The following ARSG variants were observed in gnomAD, a reference collection of about 807,000 sequenced individuals.
The protein encoded by ARSG is arylsulfatase G, also known as ASG.
A neutral mutation model predicts 50.5 loss-of-function variants in ARSG; 37 were observed. That is an observed-to-expected ratio of 0.73 (90% confidence interval 0.56 to 0.96). The LOEUF is 0.96. Among genes scored for constraint, ARSG ranks in the 50% least tolerant of loss-of-function variants. ARSG has a pLI of 0.00. For synonymous variants in ARSG, 225 were observed against 254.6 expected (o/e 0.88, Z 1.11); for missense variants, 629 against 675.3 (o/e 0.93, Z 0.76).
chr17:68,354,578 C>T (rs970432090), intron 5 of ARSG, among the ~76,000 whole-genome samples: 5 of 151,444 alleles, frequency 3.3e-5, no homozygotes, highest in Non-Finnish European at 5.9e-5. Context: ...GTTCTAATGC[C>T]CAGCATGGTG....
chr17:68,274,827 C>T (rs1277445066), intron 1 of ARSG, among the ~76,000 whole-genome samples: 1 of 150,010 alleles, frequency 6.7e-6, no homozygotes, highest in East Asian at 2.0e-4. Flanking sequence ...GTTTTCTAGG[C>T]TGGAGTGCAG....
At chr17:68,324,362 C>T (rs1193318416) in intron 2 of ARSG, among the ~76,000 whole-genome samples, 6 of 152,142 alleles carry the variant, frequency 3.9e-5, no homozygotes, top group Non-Finnish European at 5.9e-5. Flanking sequence ...GAGTCAGGCT[C>T]TCGGGGCTGG....
In ARSG at chr17:68,343,685, T is replaced by C. The variant is rs749426477; in HGVS notation, c.300T>C (p.Asn100=). The C allele has an allele frequency of 3.7e-5, 59 of 1,614,104 alleles. No individual in the cohort carries two copies. Among genetic ancestry groups the C allele is most frequent in the Non-Finnish European group, 5.0e-5 (59 of 1,180,030 alleles). The change falls in exon 3 of 12, where the codon AAT becomes AAC. Residue 100 remains asparagine, a synonymous_variant. Coordinates refer to ENST00000621439, the MANE Select transcript of ARSG (RefSeq NM_001267727.2). The part of the protein sequence containing the change: ...SLLTGRLGLR[N]GVTRNFAVTS... ...TCACCGGCCGGCTTGGCCTTCGCAA[T>C]GGAGTCACACGCAACTTTGCAGTCA...
intron 1 of ARSG, among the ~76,000 whole-genome samples, chr17:68,276,807 G>A (rs1022928618): frequency 6.6e-6 from 1 of 151,990 alleles, no homozygotes; most frequent in South Asian, 2.1e-4. Flanking sequence ...AAAACCCTTG[G>A]CAATTATTTC....
At chr17:68,333,983 A>G (rs2077902562) in intron 2 of ARSG, among the ~76,000 whole-genome samples, 1 of 152,148 alleles carries the variant, frequency 6.6e-6, no homozygotes, top group Non-Finnish European at 1.5e-5. Flanking sequence ...GATGGAGGGA[A>G]GAAAGCCTGC....
intron 2 of ARSG, among the ~76,000 whole-genome samples, chr17:68,336,735 C>G (rs575758674): frequency 6.6e-6 from 1 of 152,008 alleles, no homozygotes; most frequent in African/African-American, 2.4e-5. Context: ...CATCTATAAT[C>G]TTAGGTACTC....
At chr17:68,333,265 C>T (rs1316849937) in intron 2 of ARSG, among the ~76,000 whole-genome samples, 3 of 151,970 alleles carry the variant, frequency 2.0e-5, no homozygotes, top group East Asian at 1.9e-4. Context: ...GAGCTTGCAG[C>T]GAAGGGAGAT....
chr17:68,440,508 A>G, the ARSG span, among the ~76,000 whole-genome samples: 5 of 152,230 alleles, frequency 3.3e-5, no homozygotes, highest in Non-Finnish European at 5.9e-5. Flanking sequence ...GAGAAAAAAA[A>G]TCACCCACAA....
chr17:68,424,531 A>T, downstream of ARSG: 1 of 533,454 alleles, frequency 1.9e-6, no homozygotes. Flanking sequence ...TCAGTGCCCA[A>T]GTGGCAGCTC....
intron 2 of ARSG, among the ~76,000 whole-genome samples, chr17:68,326,648 A>T (rs1221153227): frequency 2.0e-5 from 3 of 150,800 alleles, no homozygotes; most frequent in African/African-American, 7.5e-5. Context: ...CTGGGTGACA[A>T]GAGCGAAACT....
chr17:68,287,552 G>A (rs2075869467), upstream of ARSG, among the ~76,000 whole-genome samples: 1 of 152,086 alleles, frequency 6.6e-6, no homozygotes, highest in Non-Finnish European at 1.5e-5. Context: ...TTATGTCTGA[G>A]CTATTCTACT....
chr17:68,298,971 T>C (rs1372220722), intron 1 of ARSG, among the ~76,000 whole-genome samples: 5 of 151,944 alleles, frequency 3.3e-5, no homozygotes, highest in African/African-American at 9.7e-5. Flanking sequence ...ACATATTTCA[T>C]TGAGAAAGTA....
At chr17:68,330,620 A>G (rs1328328998) in intron 2 of ARSG, among the ~76,000 whole-genome samples, 1 of 152,150 alleles carries the variant, frequency 6.6e-6, no homozygotes, top group African/African-American at 2.4e-5. Flanking sequence ...GAAGATTGGT[A>G]TAGGAATAGC....
At chr17:68,345,635 C>G (rs186611422) in intron 3 of ARSG, among the ~76,000 whole-genome samples, 118 of 152,290 alleles carry the variant, frequency 7.7e-4, no homozygotes, top group African/African-American at 2.7e-3. Flanking sequence ...ATATCAGATC[C>G]TTTTACAACA....
At chr17:68,270,794 C>A in intron 1 of ARSG, 2 of 1,494,600 alleles carry the variant, frequency 1.3e-6, no homozygotes, top group Non-Finnish European at 1.8e-6. Flanking sequence ...GCACAATTCA[C>A]AAGGGAAAGT....
intron 1 of ARSG, among the ~76,000 whole-genome samples, chr17:68,296,008 T>A (rs1241491956): frequency 1.3e-5 from 2 of 151,944 alleles, no homozygotes; most frequent in Non-Finnish European, 2.9e-5. Context: ...AAAAATTAGC[T>A]GGGTGTGGTG....
At chr17:68,435,036 G>C in the ARSG span, among the ~76,000 whole-genome samples, 2 of 151,944 alleles carry the variant, frequency 1.3e-5, no homozygotes, top group African/African-American at 2.4e-5. Flanking sequence ...GTGAAACCCC[G>C]TCTCCACTAA....
chr17:68,437,010 A>ATGTGTG, the ARSG span, among the ~76,000 whole-genome samples: 512 of 77,936 alleles, frequency 6.6e-3, 2 homozygotes, highest in East Asian at 0.022. Context: ...AAAAAAATAT[A>ATGTGTG]TATATATGTG....
intron 6 of ARSG, among the ~76,000 whole-genome samples, chr17:68,358,997 A>G (rs1301267249): frequency 4.6e-5 from 7 of 152,120 alleles, no homozygotes; most frequent in East Asian, 1.9e-4. Context: ...CCCCGTCTCT[A>G]CTAAAAATAC....
Sources: gnomAD v4.1 joint callset for allele counts (sites outside exome capture counted in the v4.1 genomes callset) on GRCh38, gnomAD v4.1.1 for gene constraint, MANE v1.5 for transcripts, NCBI Gene and HGNC (gene_info 2026-07-23, HGNC 2026-07-21) for gene names.